CARS2: variants seen among roughly 807,000 people sequenced by gnomAD.
CARS2 encodes probable cysteine--tRNA ligase, mitochondrial.
In CARS2, 52 loss-of-function variants were observed where a neutral mutation model predicts 68.8. The ratio of observed to expected loss-of-function variants is 0.76; its 90% CI spans 0.61 to 0.95. The LOEUF is 0.95. Among genes scored for constraint, CARS2 ranks in the 40% least tolerant of loss-of-function variants. CARS2 has a pLI of 0.00. For missense variants in CARS2, 780 were observed against 754.2 expected (o/e 1.03, Z -0.40); for synonymous variants, 314 against 303.6 (o/e 1.03, Z -0.36).
chr13:110,713,335 T>G, exon 1 of CARS2: 1 of 1,123,220 alleles, frequency 8.9e-7, no homozygotes, highest in Non-Finnish European at 1.1e-6. Context: ...CCGCGGCCCG[T>G]TAGGTCCTGG....
chr13:110,713,348 G>A (rs1260845032), exon 1 of CARS2: 1 of 1,094,306 alleles, frequency 9.1e-7, no homozygotes, highest in Non-Finnish European at 1.1e-6. Context: ...GGTCCTGGTC[G>A]GGTTTTCAGC....
intron 6 of CARS2, among the ~76,000 whole-genome samples, 183 bp downstream of exon 6, chr13:110,682,868 A>G (rs1339078806): frequency 6.6e-6 from 1 of 152,140 alleles, no homozygotes; most frequent in Non-Finnish European, 1.5e-5. Flanking sequence ...TTGCCGTTTG[A>G]ACTATATGCC....
At chr13:110,657,390 T>G (rs1339655723) in intron 9 of CARS2, among the ~76,000 whole-genome samples, 1 of 152,174 alleles carries the variant, frequency 6.6e-6, no homozygotes, top group Non-Finnish European at 1.5e-5. Flanking sequence ...GGGTGGCTGC[T>G]TGGAGAAACG....
intron 9 of CARS2, among the ~76,000 whole-genome samples, chr13:110,651,782 G>C (rs2062222069): frequency 6.6e-6 from 1 of 152,244 alleles, no homozygotes; most frequent in East Asian, 1.9e-4. Context: ...GCTTAGAAGA[G>C]GTCATTAGAG....
intron 5 of CARS2, among the ~76,000 whole-genome samples, chr13:110,685,210 T>C (rs996257876): frequency 2.0e-5 from 3 of 152,040 alleles, no homozygotes; most frequent in African/African-American, 7.3e-5. Context: ...CCTGGGAGGC[T>C]GAGGCAGGAG....
At position 110,653,684 on chromosome 13, in the gene CARS2, C is replaced by T. The variant is rs942478311; in HGVS notation, c.988-2584G>A. On this transcript the variant is annotated intron_variant, in intron 9 of 14. Coordinates refer to ENST00000257347, the MANE Select transcript of CARS2 (RefSeq NM_024537.4). This position sits in a 1 kb window ranked among gnomAD's most constrained non-coding sequence, Gnocchi z 5.6. ...CTTATCTTCCCTGCTCTTGCGGGGGCGGGCGCTACTGCAGCGAGCTATAGT... is the reference window on the plus strand; with the variant it reads ...CTTATCTTCCCTGCTCTTGCGGGGGTGGGCGCTACTGCAGCGAGCTATAGT... 2.0e-5 allele frequency among the ~76,000 whole-genome samples: 3 copies of T among 152,198 alleles called. No individual in the cohort carries two copies. The highest frequency in any genetic ancestry group is 1.9e-4 in the East Asian group (1 of 5,196).
rs1594341618 is a variant in CARS2 at position 110,679,294 on chromosome 13, C to T, written c.656-2191G>A. 2.6e-5 allele frequency among the ~76,000 whole-genome samples: 4 copies of T among 151,872 alleles called. No homozygotes were observed. The East Asian group carries it at 7.8e-4, about 30-fold the overall frequency. ...CCTAGAATCCCAGCACTTTGGGAGG[C>T]CGAGGCGGGCGGATCACCTGAGGTC... is the stretch of plus-strand genomic sequence containing the variant. On this transcript the variant is annotated intron_variant, in intron 6 of 14. Transcript: ENST00000257347.
chr13:110,644,555 C>G, intron 12 of CARS2, 72 bp from the exon 13 acceptor site: 1 of 1,593,592 alleles, frequency 6.3e-7, no homozygotes, highest in Admixed American at 1.7e-5. Context: ...AATTCAATGT[C>G]AAAAGACAAA....
intron 8 of CARS2, chr13:110,664,570 A>G (rs999429353): frequency 7.3e-6 from 7 of 959,760 alleles, no homozygotes; most frequent in Non-Finnish European, 8.7e-6. Context: ...TGTGATTTCC[A>G]AAAAACATAT....
chr13:110,692,025 C>T (rs12583870), intron 3 of CARS2, among the ~76,000 whole-genome samples: 16,614 of 79,082 alleles, frequency 0.21, 1,529 homozygotes, highest in African/African-American at 0.32. Context: ...TATATATATA[C>T]ACACACACAC....
At chr13:110,642,292 C>T (rs1432620530) in intron 14 of CARS2, 23 bp downstream of exon 14, 2 of 1,540,026 alleles carry the variant, frequency 1.3e-6, no homozygotes, top group Admixed American at 3.9e-5. Flanking sequence ...GGGTGATGTC[C>T]CTGACCTTGG....
intron 7 of CARS2, among the ~76,000 whole-genome samples, chr13:110,675,688 C>G (rs958075645): frequency 1.3e-5 from 2 of 151,874 alleles, no homozygotes; most frequent in African/African-American, 4.8e-5. Context: ...CACATGTACC[C>G]TAGAAGTTAA....
At position 110,705,818 on chromosome 13, in the gene CARS2, A is replaced by G. The variant is rs1463430442; in HGVS notation, c.224+52T>C. On this transcript the variant is annotated intron_variant, in intron 1 of 14. Coordinates refer to ENST00000257347, the MANE Select transcript of CARS2 (RefSeq NM_024537.4). The surrounding 1 kb of genome is among the most constrained non-coding windows in gnomAD (Gnocchi z 4.0). ...AGCCCAGATCCCGTTCAGCCGTGGG[A>G]AGTCTCCGCCACGATCGGCCCCCGC... 1 of 1,525,702 alleles carries G rather than the reference A, an allele frequency of 6.6e-7. No individual in the cohort carries two copies. The highest frequency in any genetic ancestry group is 2.0e-5 in the Admixed American group (1 of 50,126). The allele number at this position is 1,525,702 out of a possible 1,614,324, so 94.5% of individuals were successfully genotyped here. A position where few individuals can be genotyped will look rare whatever the true frequency, so the allele number is the denominator to read the frequency against.
chr13:110,646,340 G>A (rs542321950), intron 11 of CARS2: 9 of 380,388 alleles, frequency 2.4e-5, no homozygotes, highest in African/African-American at 8.4e-5. Flanking sequence ...CAAGACACAC[G>A]TGGGCATTTT....
chr13:110,659,193 C>T (rs1454440537), intron 9 of CARS2, among the ~76,000 whole-genome samples: 1 of 152,026 alleles, frequency 6.6e-6, no homozygotes, highest in Admixed American at 6.5e-5. Context: ...AGATAAAGCC[C>T]CTGAAGGGTA....
At chr13:110,641,654 T>C (rs1309698764) in intron 14 of CARS2, 46 bp from the exon 15 acceptor site, 1 of 1,468,506 alleles carries the variant, frequency 6.8e-7, no homozygotes, top group Non-Finnish European at 9.5e-7. Context: ...CACCACGTCA[T>C]GTGGCACAGG....
At chr13:110,702,986 G>A (rs1260389366) in intron 2 of CARS2, among the ~76,000 whole-genome samples, 2 of 152,002 alleles carry the variant, frequency 1.3e-5, no homozygotes, top group South Asian at 2.1e-4. Context: ...GTGTGACTCC[G>A]TCTACCATGG....
chr13:110,641,637 G>A (rs1414857560), intron 14 of CARS2, 29 bp from the exon 15 acceptor site: 2 of 1,560,996 alleles, frequency 1.3e-6, no homozygotes, highest in Non-Finnish European at 1.8e-6. Flanking sequence ...GTCCAACTCT[G>A]AGCAGACACC....
At chr13:110,650,622 T>C in intron 10 of CARS2, 1 of 168,468 alleles carries the variant, frequency 5.9e-6, no homozygotes, top group Non-Finnish European at 1.3e-5. Context: ...CAGGAGACCT[T>C]GCTCTGCTAC....
Sources: gnomAD v4.1 joint callset for allele counts (sites outside exome capture counted in the v4.1 genomes callset) on GRCh38, gnomAD v4.1.1 for gene constraint, Gnocchi (gnomAD v3.1) non-coding constraint, MANE v1.5 for transcripts, NCBI Gene and HGNC (gene_info 2026-07-23, HGNC 2026-07-21) for gene names.